The following MYO1F variants were observed in gnomAD, a reference collection of about 807,000 sequenced individuals.
The protein encoded by MYO1F is myosin IF.
Under a neutral mutation model 146.6 loss-of-function variants are expected in MYO1F, and 60 were observed. The observed-to-expected ratio is 0.41, with a 90% CI of 0.33 to 0.51. The LOEUF is 0.51. Ranked by LOEUF, MYO1F falls within the 20% of genes least tolerant of loss-of-function variation. The pLI is 0.25. For synonymous variants in MYO1F, 602 were observed against 602.1 expected (o/e 1.00, Z 0.00); for missense variants, 1,274 against 1,534.3 (o/e 0.83, Z 2.83).
intron 10 of MYO1F, chr19:8,549,908 C>T (rs1270108473): frequency 1.4e-5 from 8 of 578,340 alleles, no homozygotes; most frequent in South Asian, 7.9e-5. Flanking sequence ...TCAAATGATC[C>T]CCCAACCTCA....
At chr19:8,544,024 C>CT (rs1973215314) in intron 14 of MYO1F, 1 of 284,998 alleles carries the variant, frequency 3.5e-6, no homozygotes, top group Admixed American at 6.7e-5. Flanking sequence ...GTGGCGGTGG[C>CT]GGTGGCGGTG....
At chr19:8,527,961 C>T (rs767980126) in intron 21 of MYO1F, among the ~76,000 whole-genome samples, 13 of 152,308 alleles carry the variant, frequency 8.5e-5, no homozygotes, top group Non-Finnish European at 1.2e-4. Context: ...CCATGGCTCA[C>T]GCCTGTAATC....
intron 12 of MYO1F, among the ~76,000 whole-genome samples, chr19:8,547,382 G>A (rs887604013): frequency 2.0e-5 from 3 of 151,020 alleles, no homozygotes; most frequent in South Asian, 2.1e-4. Context: ...GAGGTGGGTG[G>A]ATCACGAGGT....
chr19:8,545,535 G>A (rs1973307624), intron 13 of MYO1F, 115 bp downstream of exon 13: 4 of 869,706 alleles, frequency 4.6e-6, no homozygotes, highest in Non-Finnish European at 8.0e-6. Context: ...AGTCCTGAGT[G>A]TAGGGTAGAG....
chr19:8,573,919 C>T (rs913808609), intron 1 of MYO1F, among the ~76,000 whole-genome samples: 1 of 152,104 alleles, frequency 6.6e-6, no homozygotes, highest in African/African-American at 2.4e-5. Context: ...CCATTAGCAA[C>T]CACAGAAAGC....
At chr19:8,536,141 C>A (rs2145852263) in intron 19 of MYO1F, 111 bp downstream of exon 19, 1 of 1,361,464 alleles carries the variant, frequency 7.3e-7, no homozygotes, top group East Asian at 2.4e-5. Context: ...ATCTATCAGT[C>A]TTTCTCTCAA....
rs916916833 is a variant in MYO1F, at chr19:8,521,278, C to T, written c.*250G>A. 7.3e-6 allele frequency: 4 copies of T among 550,774 alleles called. No individual in the cohort carries two copies. In the Admixed American group the frequency reaches 1.2e-4, roughly 17 times the overall value. The allele number at this position is 550,774 out of a possible 1,614,324, so 34.1% of individuals were successfully genotyped here. A position where few individuals can be genotyped will look rare whatever the true frequency, so the allele number is the denominator to read the frequency against. On this transcript the variant is annotated 3_prime_UTR_variant, in exon 28 of 28. Transcript: ENST00000644032. ...TTGGGAGGTAGATTCTGCTGTTAGT[C>T]CCCTTTGACACACACAGAAATGGAG...
At chr19:8,552,587 A>T (rs1973660295) in intron 6 of MYO1F, among the ~76,000 whole-genome samples, 1 of 152,008 alleles carries the variant, frequency 6.6e-6, no homozygotes, top group Non-Finnish European at 1.5e-5. Flanking sequence ...GAATTTATTA[A>T]ACCATGTCCA....
chr19:8,553,868 T>TCACACACACACACACA lies in MYO1F; in HGVS notation c.327-447_327-432dup, dbSNP rs374157870. ...GCCTGGGTGACAGACTGAGACTCTG[T>TCACACACACACACACA]CACACACACACACACACACACACAC... is the stretch of plus-strand genomic sequence containing the variant. On this transcript the variant is annotated intron_variant, in intron 4 of 27. Coordinates refer to ENST00000644032, the MANE Select transcript of MYO1F (RefSeq NM_012335.4). Among the ~76,000 whole-genome samples the TCACACACACACACACA allele has an allele frequency of 2.4e-3, 295 of 121,542 alleles. 1 individual carries two copies. Among genetic ancestry groups the TCACACACACACACACA allele is most frequent in the African/African-American group, 7.4e-3 (215 of 29,182 alleles). The allele number at this position is 121,542 out of a possible 152,430, so 79.7% of individuals were successfully genotyped here.
rs2145818763 is a variant in MYO1F at position 8,522,634 on chromosome 19, C to A, written c.3050G>T (p.Gly1017Val). The change falls in exon 26 of 28, where the codon GGC becomes GTC. Residue 1017 changes from glycine (G) to valine (V), a missense_variant and splice_region_variant. Physicochemically the swap from Gly to Val is moderately radical, Grantham distance 109. Around this residue, in one of 2 missense-constraint regions of MYO1F, gnomAD observed 374 missense variants for 379.2 expected, o/e 0.99. Transcript: ENST00000644032. Reference protein sequence around the residue: ...FLNVPDQGMAGMQRKRSVGQR... With the variant: ...FLNVPDQGMAVMQRKRSVGQR... ...GGAGCTGCCCTCCCACCCCACCTAC[C>A]CGGCCATGCCCTGGTCAGGCACGTT... 1 of 1,613,500 alleles carries A rather than the reference C, an allele frequency of 6.2e-7. No individual in the cohort carries two copies. The highest frequency in any genetic ancestry group is 8.5e-7 in the Non-Finnish European group (1 of 1,179,822).
At position 8,532,901 on chromosome 19, in the gene MYO1F, A is replaced by ATACAC. The variant is rs1555720422; in HGVS notation, c.2044-2329_2044-2328insGTGTA. Among the ~76,000 whole-genome samples, 191 of 47,820 alleles carry ATACAC rather than the reference A, an allele frequency of 4.0e-3. 1 individual carries two copies. Among genetic ancestry groups the ATACAC allele is most frequent in the African/African-American group, 0.015 (138 of 9,242 alleles). 31.4% of individuals were successfully genotyped at this position (47,820 alleles called of 152,430 possible). ...AGATCCTGTCTCAGAAAAAAAAAAA[A>ATACAC]ATACACACACACACACACACACACA... On this transcript the variant is annotated intron_variant, in intron 19 of 27. Transcript: ENST00000644032.
intron 4 of MYO1F, 67 bp downstream of exon 4, chr19:8,554,410 T>C (rs1973755323): frequency 7.4e-7 from 1 of 1,351,816 alleles, no homozygotes; most frequent in Admixed American, 1.7e-5. Flanking sequence ...CAAACCTCCC[T>C]GGGGGTGGTG....
rs1345703648 is a variant in MYO1F at position 8,543,978 on chromosome 19, C to CTGGTGG, written c.1524+318_1524+319insCCACCA. 248 of 167,596 alleles carry CTGGTGG rather than the reference C, an allele frequency of 1.5e-3. 7 individuals are homozygous for CTGGTGG. The African/African-American group carries it at 0.022, about 15-fold the overall frequency. The allele number at this position is 167,596 out of a possible 1,614,324, so 10.4% of individuals were successfully genotyped here. A position where few individuals can be genotyped will look rare whatever the true frequency, so the allele number is the denominator to read the frequency against. On this transcript the variant is annotated intron_variant, in intron 14 of 27. Transcript: ENST00000644032. ...GGTGGTGGTGGTGGTGGTGCTGGTG[C>CTGGTGG]TGGTGCTGGTGGTGGTGCTGGTGGT...
intron 1 of MYO1F, among the ~76,000 whole-genome samples, chr19:8,574,746 T>C (rs1308668387): frequency 1.3e-5 from 2 of 150,650 alleles, no homozygotes; most frequent in African/African-American, 4.9e-5. Flanking sequence ...TTTCTTTCTT[T>C]CTTTCTCTCT....
chr19:8,526,819 C>T lies in MYO1F; in HGVS notation c.2591G>A (p.Arg864Gln), dbSNP rs1972291779. Reference protein sequence around the residue: ...LLCKRFEEATRRPLPLTFSDT... With the variant: ...LLCKRFEEATQRPLPLTFSDT... Reference sequence around the variant, plus strand: ...GCTGAAGGTGAGGGGCAGGGGCCTCCGCGTCGCCTCCTCGAAGCGCTTGCA... The same window carrying T: ...GCTGAAGGTGAGGGGCAGGGGCCTCTGCGTCGCCTCCTCGAAGCGCTTGCA... The change falls in exon 23 of 28, where the codon CGG becomes CAG. Residue 864 changes from arginine (R) to glutamine (Q), a missense_variant. By Grantham distance (43) the Arg-to-Gln change is conservative. Around this residue, in one of 2 missense-constraint regions of MYO1F, gnomAD observed 374 missense variants for 379.2 expected, o/e 0.99. Coordinates refer to ENST00000644032, the MANE Select transcript of MYO1F (RefSeq NM_012335.4). 3.1e-6 allele frequency: 5 copies of T among 1,613,254 alleles called. No individual in the cohort carries two copies. Among genetic ancestry groups the T allele is most frequent in the African/African-American group, 1.3e-5 (1 of 75,014 alleles).
At chr19:8,552,752 C>T (rs576396418) in intron 6 of MYO1F, among the ~76,000 whole-genome samples, 3 of 152,136 alleles carry the variant, frequency 2.0e-5, no homozygotes, top group Non-Finnish European at 4.4e-5. Flanking sequence ...GAATCCATAT[C>T]TGTTTACCTA....
At chr19:8,531,650 C>T (rs1028970106) in intron 19 of MYO1F, among the ~76,000 whole-genome samples, 5 of 152,194 alleles carry the variant, frequency 3.3e-5, no homozygotes, top group Admixed American at 3.3e-4. Flanking sequence ...CAGTGAGTCA[C>T]TAGCTTCAGA....
intron 17 of MYO1F, 92 bp downstream of exon 17, chr19:8,536,856 TC>T (rs1452294423): frequency 1.2e-6 from 1 of 856,776 alleles, no homozygotes; most frequent in Non-Finnish European, 1.9e-6. Flanking sequence ...CCCTGGGTCA[TC>T]CTACAGGAGG....
chr19:8,532,721 A>G (rs756664731), intron 19 of MYO1F, among the ~76,000 whole-genome samples: 1 of 152,000 alleles, frequency 6.6e-6, no homozygotes, highest in Non-Finnish European at 1.5e-5. Context: ...CCCCGTCTCT[A>G]CAAAAACTAA....
Sources: allele counts gnomAD v4.1 joint callset (sites outside exome capture counted in the v4.1 genomes callset), GRCh38; gene constraint gnomAD v4.1.1; regional missense constraint gnomAD v4.1.1; transcripts MANE v1.5; gene names NCBI Gene and HGNC (gene_info 2026-07-23, HGNC 2026-07-21).